SPATS2: variants seen among roughly 807,000 people sequenced by gnomAD.
SPATS2 encodes spermatogenesis associated serine rich 2, also known as spermatogenesis-associated serine-rich protein 2.
Under a neutral mutation model 63.7 loss-of-function variants are expected in SPATS2, and 38 were observed. That is an observed-to-expected ratio of 0.60 (90% CI 0.46 to 0.78). The LOEUF (loss-of-function observed/expected upper bound fraction) is 0.78, where lower values mean the gene tolerates loss of function less well. Ranked by LOEUF, SPATS2 falls within the 30% of genes least tolerant of loss-of-function variation. The pLI is 0.00. For missense variants in SPATS2, 588 were observed against 666.2 expected, an observed-to-expected ratio of 0.88 and a Z score of 1.29; for synonymous variants, 207 against 232.9, an observed-to-expected ratio of 0.89 and a Z score of 1.01.
At chr12:49,449,352 G>A (rs1202207724) in intron 2 of SPATS2, among the ~76,000 whole-genome samples, 1 of 151,956 alleles carries the variant, frequency 6.6e-6, no homozygotes, top group African/African-American at 2.4e-5. Context: ...AGTAGCTGGG[G>A]TTACAGGCAC....
At chr12:49,424,557 T>C (rs1159236337) in intron 2 of SPATS2, among the ~76,000 whole-genome samples, 1 of 152,206 alleles carries the variant, frequency 6.6e-6, no homozygotes, top group African/African-American at 2.4e-5. Context: ...TAGGGCAAAG[T>C]TTCTGTGATT....
At chr12:49,457,632 C>T (rs887537521) in intron 2 of SPATS2, among the ~76,000 whole-genome samples, 1 of 152,086 alleles carries the variant, frequency 6.6e-6, no homozygotes, top group East Asian at 1.9e-4. Context: ...GGGGTTTCAC[C>T]ATGCCGGTCA....
At chr12:49,433,401 G>A (rs1255382783) in intron 2 of SPATS2, among the ~76,000 whole-genome samples, 1 of 152,200 alleles carries the variant, frequency 6.6e-6, no homozygotes, top group African/African-American at 2.4e-5. Flanking sequence ...GACCTCAAGT[G>A]ATCTGCCGAC....
chr12:49,503,207 G>T (rs376618568), intron 9 of SPATS2, among the ~76,000 whole-genome samples: 2 of 151,932 alleles, frequency 1.3e-5, no homozygotes, highest in Non-Finnish European at 2.9e-5. Context: ...AAAATTAGCC[G>T]GGCGTGGTGG....
At chr12:49,448,968 G>A (rs1159641968) in intron 2 of SPATS2, among the ~76,000 whole-genome samples, 2 of 152,084 alleles carry the variant, frequency 1.3e-5, no homozygotes, top group African/African-American at 4.8e-5. Flanking sequence ...ATTCATTTCT[G>A]CCGTTTTGGT....
intron 2 of SPATS2, among the ~76,000 whole-genome samples, chr12:49,423,695 C>T (rs1164611085): frequency 1.3e-5 from 2 of 152,182 alleles, no homozygotes; most frequent in African/African-American, 4.8e-5. Flanking sequence ...TCCTCTGATG[C>T]TTTCAATCAA....
At chr12:49,436,409 C>G (rs554658129) in intron 2 of SPATS2, among the ~76,000 whole-genome samples, 2 of 140,804 alleles carry the variant, frequency 1.4e-5, no homozygotes, top group African/African-American at 2.7e-5. Context: ...CTGACCCCCC[C>G]ACCTCCCTCC....
chr12:49,515,638 A>G (rs1163366789), intron 10 of SPATS2, among the ~76,000 whole-genome samples: 1 of 152,230 alleles, frequency 6.6e-6, no homozygotes, highest in Non-Finnish European at 1.5e-5. Context: ...ATTTCAGTCC[A>G]TTATTTTATC....
intron 1 of SPATS2, among the ~76,000 whole-genome samples, chr12:49,368,808 A>G (rs906842196): frequency 6.6e-6 from 1 of 152,162 alleles, no homozygotes; most frequent in African/African-American, 2.4e-5. Flanking sequence ...TAAGTAGTCC[A>G]TGTTAAGCCT....
chr12:49,452,774 C>A (rs1266857954), intron 2 of SPATS2, among the ~76,000 whole-genome samples: 2 of 150,594 alleles, frequency 1.3e-5, no homozygotes, highest in Non-Finnish European at 2.9e-5. Flanking sequence ...TTTTTTTTAA[C>A]CGTGGTTCTC....
chr12:49,395,272 A>G (rs1388512086), intron 2 of SPATS2, among the ~76,000 whole-genome samples: 2 of 152,016 alleles, frequency 1.3e-5, no homozygotes, highest in African/African-American at 2.4e-5. Flanking sequence ...TGCTGGGATT[A>G]TAGGTGTGAG....
At chr12:49,408,615 G>A (rs192802478) in intron 2 of SPATS2, among the ~76,000 whole-genome samples, 1 of 124,256 alleles carries the variant, frequency 8.0e-6, no homozygotes, top group African/African-American at 3.2e-5. Context: ...GAGTGCAGTG[G>A]TGCAATCTTG....
rs763633848 is a variant in SPATS2 at position 49,524,821 on chromosome 12, GA to G, written c.1256del (p.Asn419ThrfsTer11). ...CTCCCAGCCTTACAAGTGCTAACAA[GA>G]AAAACTTTGCACCGGGAGAGACTCC... ...SPPSLTSANK[K>X]NFAPGETPAA... is the part of the protein sequence containing the mutation. On this transcript the variant is annotated frameshift_variant, in exon 13 of 14. Transcript: ENST00000552918. LOFTEE classifies it high-confidence loss of function. 1 of 1,614,088 alleles carries G rather than the reference GA, an allele frequency of 6.2e-7. No individual in the cohort carries two copies. The highest frequency in any genetic ancestry group is 1.7e-4 in the Middle Eastern group (1 of 6,052).
intron 2 of SPATS2, among the ~76,000 whole-genome samples, chr12:49,403,056 T>C (rs1376856978): frequency 6.6e-6 from 1 of 151,560 alleles, no homozygotes; most frequent in Non-Finnish European, 1.5e-5. Flanking sequence ...GGGGTGAGAG[T>C]TTGAGGATTC....
intron 2 of SPATS2, among the ~76,000 whole-genome samples, chr12:49,404,010 T>C (rs2137314510): frequency 6.6e-6 from 1 of 152,310 alleles, no homozygotes; most frequent in East Asian, 1.9e-4. Flanking sequence ...GCTAGATTCA[T>C]TCGTTCCAGT....
At chr12:49,507,107 T>G (rs1946666847) in intron 9 of SPATS2, among the ~76,000 whole-genome samples, 2 of 152,208 alleles carry the variant, frequency 1.3e-5, no homozygotes. Context: ...TTCAATGTTC[T>G]TTTGATTTTG....
intron 2 of SPATS2, among the ~76,000 whole-genome samples, chr12:49,416,607 C>A (rs1018179569): frequency 6.6e-6 from 1 of 152,124 alleles, no homozygotes; most frequent in Non-Finnish European, 1.5e-5. Context: ...CCTGCCTCAG[C>A]CTCCCACTGG....
At chr12:49,512,304 C>G (rs1946765790) in intron 9 of SPATS2, among the ~76,000 whole-genome samples, 1 of 152,098 alleles carries the variant, frequency 6.6e-6, no homozygotes, top group Non-Finnish European at 1.5e-5. Context: ...GGCAACATGA[C>G]AAACAACAAA....
intron 2 of SPATS2, among the ~76,000 whole-genome samples, chr12:49,458,125 T>A (rs188384154): frequency 3.3e-5 from 5 of 152,320 alleles, no homozygotes; most frequent in Admixed American, 6.5e-5. Flanking sequence ...TAAATGTTTT[T>A]CCAGTCAGGT....
Sources: gnomAD v4.1 joint callset for allele counts (sites outside exome capture counted in the v4.1 genomes callset) on GRCh38, gnomAD v4.1.1 for gene constraint, MANE v1.5 for transcripts, NCBI Gene and HGNC (gene_info 2026-07-23, HGNC 2026-07-21) for gene names.